Variants in PCDH15 observed in about 807,000 individuals in gnomAD.
The protein encoded by PCDH15 is protocadherin-15.
Under a neutral mutation model 178.5 loss-of-function variants are expected in PCDH15, and 129 were observed. That is an observed-to-expected ratio of 0.72 (90% CI 0.63 to 0.84). The LOEUF (loss-of-function observed/expected upper bound fraction) is 0.84. Ranked by LOEUF, PCDH15 falls within the 40% of genes least tolerant of loss-of-function variation. The pLI, the probability that PCDH15 is intolerant of heterozygous loss-of-function variation, is 0.00. For synonymous variants in PCDH15, 800 were observed against 732.0 expected, an observed-to-expected ratio of 1.09 and a Z score of -1.50; for missense variants, 2,230 against 2,099.9, an observed-to-expected ratio of 1.06 and a Z score of -1.21.
chr10:54,002,724 A>C (rs1412414079), intron 20 of PCDH15, among the ~76,000 whole-genome samples: 1 of 152,176 alleles, frequency 6.6e-6, no homozygotes, highest in African/African-American at 2.4e-5. Flanking sequence ...GGGGACTTTC[A>C]CAAAAGACCC....
chr10:55,350,952 TTTC>T lies in PCDH15; in HGVS notation c.-155-184304_-155-184302del, dbSNP rs575609366. On this transcript the variant is annotated intron_variant, in intron 2 of 5. Transcript: ENST00000613346. ...TACGTGTGGTCCACATGTTTTATTATTTCTTCTTCTTCTTCCTCTTCCTCTTCC... is the reference window on the plus strand; with the variant it reads ...TACGTGTGGTCCACATGTTTTATTATTTCTTCTTCTTCCTCTTCCTCTTCC... 9.3e-3 allele frequency among the ~76,000 whole-genome samples: 1,410 copies of T among 151,246 alleles called. 17 individuals carry two copies. The highest frequency in any genetic ancestry group is 0.015 in the South Asian group (73 of 4,758).
intron 3 of PCDH15, among the ~76,000 whole-genome samples, chr10:54,387,460 T>C (rs1399988908): frequency 6.6e-6 from 1 of 152,192 alleles, no homozygotes; most frequent in African/African-American, 2.4e-5. Flanking sequence ...TATGCTAAGT[T>C]AAATAAGCCA....
rs555759219 is a variant in PCDH15, at chr10:53,878,423, A to AAT, written c.3502-11568_3502-11567dup. 9.8e-3 allele frequency among the ~76,000 whole-genome samples: 758 copies of AAT among 77,610 alleles called. 6 individuals carry two copies. Among genetic ancestry groups the AAT allele is most frequent in the Middle Eastern group, 0.048 (4 of 84 alleles). The allele number at this position is 77,610 out of a possible 152,430, so 50.9% of individuals were successfully genotyped here. On this transcript the variant is annotated intron_variant, in intron 26 of 37. Coordinates refer to ENST00000644397, the MANE Select transcript of PCDH15 (RefSeq NM_001384140.1). The stretch of plus-strand genomic sequence containing the variant: ...TATACTATGGCGTACACACACGTTG[A>AAT]ATATATATATATATCTCCATATATA...
intron 10 of PCDH15, among the ~76,000 whole-genome samples, chr10:54,203,494 G>A (rs754899657): frequency 6.6e-6 from 1 of 152,060 alleles, no homozygotes; most frequent in South Asian, 2.1e-4. Flanking sequence ...CAGAGAGAAG[G>A]TAATTTGACA....
rs757197856 is a variant in PCDH15 at position 54,317,255 on chromosome 10, A to G, written c.876+16T>C. The G allele has an allele frequency of 1.2e-6, 2 of 1,609,146 alleles. No individual in the cohort carries two copies. The highest frequency in any genetic ancestry group is 1.1e-5 in the South Asian group (1 of 90,972). On this transcript the variant is annotated intron_variant, in intron 8 of 37. Transcript: ENST00000644397. ...AAAACATGCAAATAAATGGAGAAAGATAAGAGTATATTTACCGGAGTTCTC... is the reference window on the plus strand; with the variant it reads ...AAAACATGCAAATAAATGGAGAAAGGTAAGAGTATATTTACCGGAGTTCTC...
chr10:55,392,363 A>C lies in PCDH15; in HGVS notation c.-155-225712T>G, dbSNP rs148586475. 3.3e-3 allele frequency among the ~76,000 whole-genome samples: 504 copies of C among 152,310 alleles called. 2 individuals are homozygous for C. The highest frequency in any genetic ancestry group is 9.8e-3 in the African/African-American group (408 of 41,576). On this transcript the variant is annotated intron_variant, in intron 2 of 5. Coordinates refer to the PCDH15 transcript ENST00000613346. The stretch of plus-strand genomic sequence containing the variant: ...GTGCAATAAAACAAAGTATGCTTGT[A>C]TTAACATTTTATGTTATTATGGTGC...
chr10:54,352,816 A>T (rs1944382725), intron 5 of PCDH15, among the ~76,000 whole-genome samples: 1 of 152,164 alleles, frequency 6.6e-6, no homozygotes, highest in African/African-American at 2.4e-5. Flanking sequence ...TGTACAAATT[A>T]TCATTACTAG....
chr10:54,282,760 G>A (rs538071144), intron 8 of PCDH15, among the ~76,000 whole-genome samples: 2 of 152,016 alleles, frequency 1.3e-5, no homozygotes, highest in Admixed American at 6.6e-5. Flanking sequence ...AAGTCTGGAT[G>A]ATTTTTGACC....
intron 2 of PCDH15, among the ~76,000 whole-genome samples, chr10:54,620,468 C>G (rs2134417090): frequency 6.6e-6 from 1 of 151,970 alleles, no homozygotes; most frequent in South Asian, 2.1e-4. Context: ...AGACAAATTA[C>G]AGGGGTTGGT....
intron 1 of PCDH15, among the ~76,000 whole-genome samples, chr10:54,670,890 T>A (rs1238577473): frequency 6.6e-6 from 1 of 152,110 alleles, no homozygotes; most frequent in Non-Finnish European, 1.5e-5. Context: ...TTACCTAATA[T>A]ACATTTCAAG....
intron 21 of PCDH15, among the ~76,000 whole-genome samples, chr10:53,981,932 C>T (rs1270242406): frequency 5.9e-5 from 9 of 151,492 alleles, no homozygotes; most frequent in East Asian, 3.9e-4. Flanking sequence ...TGACAAAGGG[C>T]TAATATCCAG....
At chr10:54,295,825 A>C (rs1419106022) in intron 8 of PCDH15, among the ~76,000 whole-genome samples, 3 of 152,060 alleles carry the variant, frequency 2.0e-5, no homozygotes, top group Non-Finnish European at 4.4e-5. Context: ...TCAGGATCTA[A>C]TTATCGGGCA....
At chr10:54,943,046 G>A (rs1591797601) in intron 2 of PCDH15, among the ~76,000 whole-genome samples, 3 of 152,038 alleles carry the variant, frequency 2.0e-5, no homozygotes, top group South Asian at 2.1e-4. Context: ...TACTATATTA[G>A]TATCTTATTG....
chr10:54,583,782 C>G (rs189075062), intron 2 of PCDH15, among the ~76,000 whole-genome samples: 1 of 152,122 alleles, frequency 6.6e-6, no homozygotes, highest in African/African-American at 2.4e-5. Flanking sequence ...AAAATAGACA[C>G]CCTCTAAAGC....
chr10:55,338,478 T>C (rs1383740237), intron 2 of PCDH15, among the ~76,000 whole-genome samples: 5 of 152,108 alleles, frequency 3.3e-5, no homozygotes, highest in Non-Finnish European at 7.4e-5. Flanking sequence ...TCCTTATTAT[T>C]AAAATCCTGG....
intron 1 of PCDH15, among the ~76,000 whole-genome samples, chr10:55,281,636 A>G (rs182177075): frequency 6.6e-6 from 1 of 152,136 alleles, no homozygotes; most frequent in Non-Finnish European, 1.5e-5. Flanking sequence ...CATCTATATG[A>G]CAATGACTCG....
At chr10:55,336,416 T>A (rs1844398062) in intron 2 of PCDH15, among the ~76,000 whole-genome samples, 1 of 152,132 alleles carries the variant, frequency 6.6e-6, no homozygotes, top group Non-Finnish European at 1.5e-5. Context: ...GACAATCGCT[T>A]GAACCCAGGA....
intron 2 of PCDH15, among the ~76,000 whole-genome samples, chr10:55,516,878 T>G (rs1841026144): frequency 6.6e-6 from 1 of 152,110 alleles, no homozygotes; most frequent in Non-Finnish European, 1.5e-5. Context: ...TCAAAACTGC[T>G]CCTCTGTAAT....
intron 1 of PCDH15, among the ~76,000 whole-genome samples, chr10:55,206,845 A>T (rs1432365221): frequency 6.6e-6 from 1 of 152,090 alleles, no homozygotes; most frequent in Non-Finnish European, 1.5e-5. Context: ...GAAATTTTGG[A>T]AAATAGGAAA....
Sources: gnomAD v4.1 joint callset for allele counts (sites outside exome capture counted in the v4.1 genomes callset) on GRCh38, gnomAD v4.1.1 for gene constraint, MANE v1.5 for transcripts, NCBI Gene and HGNC (gene_info 2026-07-23, HGNC 2026-07-21) for gene names.